STX8: variants seen among roughly 807,000 people sequenced by gnomAD.
STX8 encodes syntaxin 8, also known as syntaxin-8.
In STX8, 23 loss-of-function variants were observed where a neutral mutation model predicts 37.5. That is an observed-to-expected ratio of 0.61 (90% confidence interval 0.44 to 0.87). STX8 has a LOEUF of 0.87. Ranked by LOEUF, STX8 falls within the 40% of genes least tolerant of loss-of-function variation. The pLI, the probability that STX8 is intolerant of heterozygous loss-of-function variation, is 0.00. For synonymous variants in STX8, 115 were observed against 99.1 expected (o/e 1.16, Z -0.95); for missense variants, 313 against 284.7 (o/e 1.10, Z -0.71).
intron 6 of STX8, among the ~76,000 whole-genome samples, chr17:9,426,821 G>A (rs1913648335): frequency 6.6e-6 from 1 of 152,092 alleles, no homozygotes; most frequent in Admixed American, 6.6e-5. Flanking sequence ...ATTTTCAGAG[G>A]TTTTACACTG....
chr17:9,350,367 T>C (rs571231060), intron 7 of STX8, among the ~76,000 whole-genome samples: 1 of 152,348 alleles, frequency 6.6e-6, no homozygotes, highest in African/African-American at 2.4e-5. Context: ...TGACCACAGG[T>C]AACTGAAACT....
At chr17:9,556,206 C>T (rs1906958198) in intron 3 of STX8, among the ~76,000 whole-genome samples, 1 of 152,090 alleles carries the variant, frequency 6.6e-6, no homozygotes, top group Non-Finnish European at 1.5e-5. Flanking sequence ...AGAACACTTT[C>T]CATTTTTTTA....
chr17:9,360,251 T>TTTTTTTTTTTA (rs1911019504), intron 7 of STX8, among the ~76,000 whole-genome samples: 1 of 76,352 alleles, frequency 1.3e-5, no homozygotes, highest in African/African-American at 3.7e-5. Context: ...TTTTTTTTTT[T>TTTTTTTTTTTA]GAGTCAGAGT....
At chr17:9,494,218 T>C (rs1030150108) in intron 5 of STX8, among the ~76,000 whole-genome samples, 6 of 151,750 alleles carry the variant, frequency 4.0e-5, no homozygotes, top group Non-Finnish European at 7.4e-5. Flanking sequence ...GGTTTCACCG[T>C]GTTAGCCAGG....
chr17:9,281,669 C>A (rs1226881237), intron 7 of STX8, among the ~76,000 whole-genome samples: 1 of 152,182 alleles, frequency 6.6e-6, no homozygotes, highest in African/African-American at 2.4e-5. Context: ...CACAGTGGCT[C>A]ACGCCTGTAA....
At chr17:9,389,563 AC>A (rs1912137781) in intron 6 of STX8, among the ~76,000 whole-genome samples, 1 of 152,170 alleles carries the variant, frequency 6.6e-6, no homozygotes, top group South Asian at 2.1e-4. Flanking sequence ...ATGTCAAAAT[AC>A]CCGACTCCAA....
At chr17:9,446,553 C>G (rs1423098668) in intron 6 of STX8, among the ~76,000 whole-genome samples, 1 of 152,128 alleles carries the variant, frequency 6.6e-6, no homozygotes, top group Non-Finnish European at 1.5e-5. Context: ...CTACTGTTTT[C>G]CTTTTCACGG....
At chr17:9,540,232 C>G (rs1056085746) in intron 4 of STX8, among the ~76,000 whole-genome samples, 2 of 152,192 alleles carry the variant, frequency 1.3e-5, no homozygotes, top group African/African-American at 4.8e-5. Flanking sequence ...TGCTGGTCCT[C>G]GATAGGTCCA....
chr17:9,553,280 G>A (rs1245366553), intron 3 of STX8: 4 of 152,102 alleles, frequency 2.6e-5, no homozygotes, highest in Non-Finnish European at 5.9e-5. Context: ...GCAAGACTTC[G>A]GTTTATTAAT....
chr17:9,375,889 G>C (rs1272906338), intron 7 of STX8, among the ~76,000 whole-genome samples: 1 of 152,186 alleles, frequency 6.6e-6, no homozygotes, highest in Non-Finnish European at 1.5e-5. Context: ...CACGCAGCTA[G>C]AGAGAGTTCG....
At chr17:9,529,630 T>C (rs1469385550) in intron 4 of STX8, among the ~76,000 whole-genome samples, 2 of 152,178 alleles carry the variant, frequency 1.3e-5, no homozygotes, top group Non-Finnish European at 2.9e-5. Flanking sequence ...AGTCTCACCT[T>C]TATAGGAGTG....
At chr17:9,488,076 C>T (rs1361355087) in intron 6 of STX8, among the ~76,000 whole-genome samples, 1 of 152,064 alleles carries the variant, frequency 6.6e-6, no homozygotes, top group Non-Finnish European at 1.5e-5. Flanking sequence ...CCTGTAATCC[C>T]AGCATTTTGA....
At position 9,250,738 on chromosome 17, in the gene STX8, A is replaced by C. The variant is rs1397476549; in HGVS notation, c.644-93T>G. The C allele has an allele frequency of 9.1e-6, 12 of 1,318,404 alleles. No individual in the cohort carries two copies. In the East Asian group the frequency reaches 3.1e-4, roughly 34 times the overall value. The allele number at this position is 1,318,404 out of a possible 1,614,324, so 81.7% of individuals were successfully genotyped here. A position where few individuals can be genotyped will look rare whatever the true frequency, so the allele number is the denominator to read the frequency against. On this transcript the variant is annotated intron_variant, in intron 7 of 7. Transcript: ENST00000306357. Reference sequence around the variant, plus strand: ...TGTCTGCAGAGACTCAGAGGGATGTAGTTCCCTCTGAGCCTTCAGTTTGTA... The same window carrying C: ...TGTCTGCAGAGACTCAGAGGGATGTCGTTCCCTCTGAGCCTTCAGTTTGTA...
chr17:9,537,486 A>T lies in STX8; in HGVS notation c.323+7686T>A, dbSNP rs575161651. ...TGAAGCTCGGAGTCACCTTTACGTG[A>T]CAGACTTTACACGAGGCAGGCAAAA... On this transcript the variant is annotated intron_variant, in intron 4 of 7. Transcript: ENST00000306357. Among the ~76,000 whole-genome samples, 6 of 152,330 alleles carry T rather than the reference A, an allele frequency of 3.9e-5. No homozygotes were observed. In the East Asian group the frequency reaches 1.2e-3, roughly 29 times the overall value.
intron 7 of STX8, among the ~76,000 whole-genome samples, chr17:9,346,604 C>T (rs1160671071): frequency 6.6e-6 from 1 of 152,180 alleles, no homozygotes; most frequent in African/African-American, 2.4e-5. Flanking sequence ...CTTATGCATG[C>T]AGGTCTGAGG....
chr17:9,288,578 C>T (rs1908184244), intron 7 of STX8, among the ~76,000 whole-genome samples: 2 of 152,044 alleles, frequency 1.3e-5, no homozygotes, highest in Non-Finnish European at 2.9e-5. Context: ...AGGAGAATGC[C>T]GTGAACCCGG....
chr17:9,529,958 TCCAG>T (rs1567599259), intron 4 of STX8, among the ~76,000 whole-genome samples: 2 of 152,026 alleles, frequency 1.3e-5, no homozygotes, highest in Non-Finnish European at 2.9e-5. Context: ...GCCACTCTAC[TCCAG>T]CCTGGGCAAC....
At chr17:9,306,422 C>A (rs1455127588) in intron 7 of STX8, among the ~76,000 whole-genome samples, 1 of 141,894 alleles carries the variant, frequency 7.0e-6, no homozygotes, top group African/African-American at 2.9e-5. Flanking sequence ...TGTTGTTCAT[C>A]GTATTGGTGA....
chr17:9,536,826 C>T lies in STX8; in HGVS notation c.323+8346G>A, dbSNP rs557399745. ...TGGCACGATCTCAGCTCACTGCAAC[C>T]TCCACCTTCTGGTTTCAAGAGATTC... On this transcript the variant is annotated intron_variant, in intron 4 of 7. Transcript: ENST00000306357. Among the ~76,000 whole-genome samples the T allele has an allele frequency of 5.3e-4, 80 of 151,946 alleles. 1 individual carries two copies. Among genetic ancestry groups the T allele is most frequent in the African/African-American group, 1.8e-3 (73 of 41,522 alleles).
Sources: allele counts gnomAD v4.1 joint callset (sites outside exome capture counted in the v4.1 genomes callset), GRCh38; gene constraint gnomAD v4.1.1; transcripts MANE v1.5; gene names NCBI Gene and HGNC (gene_info 2026-07-23, HGNC 2026-07-21).